JAKMIP2: variants seen among roughly 807,000 people sequenced by gnomAD.
JAKMIP2 encodes janus kinase and microtubule interacting protein 2.
In JAKMIP2, 25 loss-of-function variants were observed where a neutral mutation model predicts 115.0. That is an observed-to-expected ratio of 0.22 (90% confidence interval 0.16 to 0.30). JAKMIP2 has a LOEUF of 0.30. Ranked by LOEUF, JAKMIP2 falls within the 10% of genes least tolerant of loss-of-function variation. The pLI is 1.00. For synonymous variants in JAKMIP2, 334 were observed against 343.6 expected, an observed-to-expected ratio of 0.97 and a Z score of 0.31; for missense variants, 642 against 957.6, an observed-to-expected ratio of 0.67 and a Z score of 4.35.
At position 147,661,062 on chromosome 5, in the gene JAKMIP2, G is replaced by A; in HGVS notation, c.513C>T (p.Ser171=). The A allele has an allele frequency of 1.9e-6, 3 of 1,613,958 alleles. No homozygotes were observed. Among genetic ancestry groups the A allele is most frequent in the Non-Finnish European group, 2.5e-6 (3 of 1,180,024 alleles). ...TAKKQVDEAL[S]NMIQADKIKA... ...TGATTTTATCTGCTTGGATCATATT[G>A]CTCAGAGCCTCGTCCACCTGCTTCT... Residue 171 remains serine, a synonymous_variant, in exon 3 of 22, where the codon AGC becomes AGT. Transcript: ENST00000616793.
At position 147,751,256 on chromosome 5, in the gene JAKMIP2, G is replaced by GTTTTT. The variant is rs59032563; in HGVS notation, c.-149+31195_-149+31199dup. ...CCGGCTAAGTTGTTTTTTTGTTGTT[G>GTTTTT]TTTTTTTTTTTTTTTGTATTTTTAG... On this transcript the variant is annotated intron_variant, in intron 1 of 21. Coordinates refer to ENST00000616793, the MANE Select transcript of JAKMIP2 (RefSeq NM_001270941.2). 8.4e-5 allele frequency among the ~76,000 whole-genome samples: 11 copies of GTTTTT among 131,584 alleles called. No individual in the cohort carries two copies. In the East Asian group the frequency reaches 1.2e-3, roughly 14 times the overall value. 86.3% of individuals were successfully genotyped at this position (131,584 alleles called of 152,430 possible).
chr5:147,692,973 T>C (rs1240535478), intron 1 of JAKMIP2, among the ~76,000 whole-genome samples: 1 of 152,232 alleles, frequency 6.6e-6, no homozygotes, highest in Non-Finnish European at 1.5e-5. Context: ...TTATATCTTA[T>C]TATCAACCAG....
Position 147,742,156 on chromosome 5 carries a change from T to TATATATATATATATATATATATATATA in JAKMIP2, c.-149+40299_-149+40300insTATATATATATATATATATATATATAT, listed in dbSNP as rs1554084271. 3.6e-4 allele frequency among the ~76,000 whole-genome samples: 30 copies of TATATATATATATATATATATATATATA among 84,002 alleles called. 1 individual carries two copies. The highest frequency in any genetic ancestry group is 1.3e-3 in the East Asian group (2 of 1,486). 55.1% of individuals were successfully genotyped at this position (84,002 alleles called of 152,430 possible). A position where few individuals can be genotyped will look rare whatever the true frequency, so the allele number is the denominator to read the frequency against. On this transcript the variant is annotated intron_variant, in intron 1 of 21. Coordinates refer to ENST00000616793, the MANE Select transcript of JAKMIP2 (RefSeq NM_001270941.2). Reference sequence around the variant, plus strand: ...GTGGATCATTATATATATATATATATTTTTTTTACTATTGTATTGTATCTT... The same window carrying TATATATATATATATATATATATATATA: ...GTGGATCATTATATATATATATATATATATATATATATATATATATATATATATTTTTTTACTATTGTATTGTATCTT...
chr5:147,610,501 C>A (rs1756260658), intron 20 of JAKMIP2, among the ~76,000 whole-genome samples: 1 of 152,216 alleles, frequency 6.6e-6, no homozygotes, highest in South Asian at 2.1e-4. Context: ...TGCCGGTTAT[C>A]ACCAGCAGAG....
intron 2 of JAKMIP2, among the ~76,000 whole-genome samples, chr5:147,664,134 A>C (rs1759178014): frequency 6.6e-6 from 1 of 152,210 alleles, no homozygotes; most frequent in African/African-American, 2.4e-5. Context: ...GCTAGCAAGA[A>C]ATTTTAAATT....
intron 1 of JAKMIP2, among the ~76,000 whole-genome samples, chr5:147,708,808 A>C (rs1464267088): frequency 6.6e-6 from 1 of 152,156 alleles, no homozygotes; most frequent in Non-Finnish European, 1.5e-5. Flanking sequence ...CCTTTGTAAC[A>C]TTGTAGGTTC....
intron 9 of JAKMIP2, 38 bp downstream of exon 9, chr5:147,640,666 A>G: frequency 6.2e-7 from 1 of 1,601,892 alleles, no homozygotes; most frequent in Non-Finnish European, 8.5e-7. Context: ...AGATTTGGTG[A>G]CAATATCACC....
intron 1 of JAKMIP2, among the ~76,000 whole-genome samples, chr5:147,689,177 A>T (rs1343519649): frequency 6.6e-6 from 1 of 152,104 alleles, no homozygotes; most frequent in East Asian, 1.9e-4. Flanking sequence ...AACTTCAGGG[A>T]GCCGGGGAGG....
rs1249397054 is a variant in JAKMIP2 at position 147,743,685 on chromosome 5, A to G, written c.-149+38771T>C. ...CCTAATGAGTATAAGGATTCTGCCA[A>G]GGAGATTTGTCTTCCTCCTCTTGTT... On this transcript the variant is annotated intron_variant, in intron 1 of 21. Coordinates refer to ENST00000616793, the MANE Select transcript of JAKMIP2 (RefSeq NM_001270941.2). Among the ~76,000 whole-genome samples the G allele has an allele frequency of 2.0e-5, 3 of 152,332 alleles. No homozygotes were observed. The East Asian group carries it at 5.8e-4, about 29-fold the overall frequency.
chr5:147,759,436 T>C (rs1300381448), intron 1 of JAKMIP2, among the ~76,000 whole-genome samples: 1 of 152,118 alleles, frequency 6.6e-6, no homozygotes, highest in Non-Finnish European at 1.5e-5. Context: ...ATGCACAAAT[T>C]TGAGCATCTA....
intron 1 of JAKMIP2, among the ~76,000 whole-genome samples, chr5:147,702,202 C>T (rs1028469384): frequency 4.0e-5 from 6 of 151,566 alleles, no homozygotes; most frequent in Non-Finnish European, 5.9e-5. Context: ...CTGCTAGTGG[C>T]TACCTTGCTA....
intron 7 of JAKMIP2, among the ~76,000 whole-genome samples, 159 bp downstream of exon 7, chr5:147,643,899 T>C (rs751825047): frequency 6.6e-6 from 1 of 152,204 alleles, no homozygotes; most frequent in African/African-American, 2.4e-5. Context: ...AGTTGAACAA[T>C]ATAAAATATT....
intron 20 of JAKMIP2, among the ~76,000 whole-genome samples, chr5:147,605,264 C>T (rs1250753933): frequency 1.4e-5 from 2 of 142,698 alleles, no homozygotes; most frequent in Non-Finnish European, 3.0e-5. Context: ...GGCTGGAGTG[C>T]AGTGGCATGA....
At chr5:147,647,978 T>C (rs1758207242) in intron 5 of JAKMIP2, among the ~76,000 whole-genome samples, 1 of 152,216 alleles carries the variant, frequency 6.6e-6, no homozygotes, top group Admixed American at 6.5e-5. Context: ...ATGAATGAAT[T>C]CTACATGCAA....
intron 21 of JAKMIP2, among the ~76,000 whole-genome samples, chr5:147,592,746 C>T (rs1755159103): frequency 6.6e-6 from 1 of 152,184 alleles, no homozygotes; most frequent in Non-Finnish European, 1.5e-5. Context: ...AAAGACTTTA[C>T]TATTATTCCA....
At chr5:147,766,771 C>T (rs924600281) in intron 1 of JAKMIP2, among the ~76,000 whole-genome samples, 1 of 152,082 alleles carries the variant, frequency 6.6e-6, no homozygotes, top group Non-Finnish European at 1.5e-5. Context: ...AAATATCACA[C>T]ATATGGGTAA....
At chr5:147,605,686 G>T (rs1027303064) in intron 20 of JAKMIP2, among the ~76,000 whole-genome samples, 5 of 152,020 alleles carry the variant, frequency 3.3e-5, no homozygotes, top group African/African-American at 1.2e-4. Flanking sequence ...ATAATCCTTT[G>T]GGTTATAAAT....
At chr5:147,629,580 C>T (rs1415246849) in intron 15 of JAKMIP2, 113 bp downstream of exon 15, 2 of 699,060 alleles carry the variant, frequency 2.9e-6, no homozygotes, top group African/African-American at 1.8e-5. Flanking sequence ...GAGCAACATC[C>T]TTAAGTGAAA....
rs80166805 is a variant in JAKMIP2 at position 147,627,518 on chromosome 5, A to G, written c.1995+1233T>C. ...ATTCTAAATTTGGACCTTCTGTTAGAGATAATGAGGCATTTGCTGGGGAGG... is the reference window on the plus strand; with the variant it reads ...ATTCTAAATTTGGACCTTCTGTTAGGGATAATGAGGCATTTGCTGGGGAGG... On this transcript the variant is annotated intron_variant, in intron 16 of 21. Coordinates refer to ENST00000616793, the MANE Select transcript of JAKMIP2 (RefSeq NM_001270941.2). Among the ~76,000 whole-genome samples, 1,108 of 152,140 alleles carry G rather than the reference A, an allele frequency of 7.3e-3. 10 individuals are homozygous for G. The highest frequency in any genetic ancestry group is 0.011 in the Non-Finnish European group (769 of 67,984).
Sources: allele counts gnomAD v4.1 joint callset (sites outside exome capture counted in the v4.1 genomes callset), GRCh38; gene constraint gnomAD v4.1.1; transcripts MANE v1.5; gene names NCBI Gene and HGNC (gene_info 2026-07-23, HGNC 2026-07-21).